Variants in UBE4B observed in about 807,000 individuals in gnomAD.
The protein encoded by UBE4B is ubiquitination factor E4B.
In UBE4B, 27 loss-of-function variants were observed where a neutral mutation model predicts 148.1. The ratio of observed to expected loss-of-function variants is 0.18; its 90% CI spans 0.13 to 0.25. The LOEUF is 0.25. Among genes scored for constraint, UBE4B ranks in the 10% least tolerant of loss-of-function variants. The probability of loss-of-function intolerance (pLI) is 1.00; values close to 1 mark genes in which losing one functional copy is unlikely to be tolerated. For synonymous variants in UBE4B, 596 were observed against 619.3 expected (o/e 0.96, Z 0.56); for missense variants, 1,170 against 1,662.4 (o/e 0.70, Z 5.15).
intron 1 of UBE4B, among the ~76,000 whole-genome samples, chr1:10,071,692 G>GTATT (rs1390778497): frequency 2.0e-5 from 3 of 152,140 alleles, no homozygotes; most frequent in Non-Finnish European, 4.4e-5. Context: ...ATTTATGTAT[G>GTATT]TATTTATGTA....
intron 1 of UBE4B, among the ~76,000 whole-genome samples, chr1:10,061,795 G>GA: frequency 6.6e-6 from 1 of 152,100 alleles, no homozygotes; most frequent in Non-Finnish European, 1.5e-5. Context: ...TTTTTCCTTT[G>GA]AATCTTGTTT....
intron 25 of UBE4B, among the ~76,000 whole-genome samples, chr1:10,177,745 C>T (rs553371427): frequency 6.6e-6 from 1 of 152,042 alleles, no homozygotes; most frequent in African/African-American, 2.4e-5. Context: ...AAATATATAT[C>T]ATCACTAAGC....
chr1:10,172,763 G>A (rs1646356915), intron 25 of UBE4B, among the ~76,000 whole-genome samples: 1 of 152,034 alleles, frequency 6.6e-6, no homozygotes, highest in African/African-American at 2.4e-5. Flanking sequence ...GATGTAGCAG[G>A]GGAAGTGGTC....
At chr1:10,046,354 C>A (rs551846875) in intron 1 of UBE4B, among the ~76,000 whole-genome samples, 66 of 152,276 alleles carry the variant, frequency 4.3e-4, no homozygotes, top group Non-Finnish European at 7.8e-4. Context: ...ACTTCAGAGT[C>A]CAGAATCCCT....
intron 21 of UBE4B, among the ~76,000 whole-genome samples, chr1:10,153,095 TTC>T (rs1646004123): frequency 6.6e-6 from 1 of 151,938 alleles, no homozygotes; most frequent in Admixed American, 6.6e-5. Context: ...AGTCCCTTGT[TTC>T]TCCTTCAGTT....
At chr1:10,097,050 A>AT (rs1461086213) in intron 3 of UBE4B, among the ~76,000 whole-genome samples, 172 of 149,050 alleles carry the variant, frequency 1.2e-3, no homozygotes, top group Admixed American at 1.9e-3. Flanking sequence ...AAAAAAAAAA[A>AT]AAAATAATAA....
chr1:10,107,300 T>A (rs1366910400), intron 7 of UBE4B: 22 of 1,289,318 alleles, frequency 1.7e-5, no homozygotes, highest in Non-Finnish European at 3.0e-6. Context: ...AAGAAGAAGA[T>A]GATGATGATG....
intron 2 of UBE4B, among the ~76,000 whole-genome samples, chr1:10,078,410 T>G (rs1240906862): frequency 1.3e-5 from 2 of 152,204 alleles, no homozygotes; most frequent in Non-Finnish European, 2.9e-5. Context: ...TTTCTTTCCT[T>G]AAAGAGCTTT....
intron 1 of UBE4B, among the ~76,000 whole-genome samples, chr1:10,065,823 A>G (rs1214499398): frequency 6.6e-6 from 1 of 152,210 alleles, no homozygotes; most frequent in East Asian, 1.9e-4. Flanking sequence ...GCATTTATGT[A>G]TAATTTGCAC....
chr1:10,066,750 AC>A (rs2101822906), intron 1 of UBE4B, among the ~76,000 whole-genome samples: 1 of 152,174 alleles, frequency 6.6e-6, no homozygotes, highest in African/African-American at 2.4e-5. Context: ...TACTAAAAAT[AC>A]AAAAATTAGC....
At chr1:10,136,123 G>T (rs1257013405) in intron 16 of UBE4B, among the ~76,000 whole-genome samples, 1 of 152,094 alleles carries the variant, frequency 6.6e-6, no homozygotes, top group African/African-American at 2.4e-5. Flanking sequence ...AAATATTTCT[G>T]TATTGTGTTG....
At chr1:10,084,843 A>C (rs6541077) in intron 2 of UBE4B, among the ~76,000 whole-genome samples, 1 of 151,546 alleles carries the variant, frequency 6.6e-6, no homozygotes, top group Non-Finnish European at 1.5e-5. Flanking sequence ...GATTACAAGC[A>C]CCCGCCACCA....
intron 1 of UBE4B, among the ~76,000 whole-genome samples, chr1:10,046,591 G>A (rs1023130461): frequency 2.0e-5 from 3 of 152,254 alleles, no homozygotes; most frequent in Non-Finnish European, 1.5e-5. Context: ...TTCTGACCTC[G>A]CCTTTCTGGC....
In UBE4B at chr1:10,059,556, C is replaced by T. The variant is rs945491691; in HGVS notation, c.25-12472C>T. The T allele has an allele frequency of 1.1e-4, 24 of 216,684 alleles. No homozygotes were observed. In the East Asian group the frequency reaches 2.6e-3, roughly 24 times the overall value. The allele number at this position is 216,684 out of a possible 1,614,324, so 13.4% of individuals were successfully genotyped here. On this transcript the variant is annotated intron_variant, in intron 1 of 27. Coordinates refer to ENST00000343090, the MANE Select transcript of UBE4B (RefSeq NM_001105562.3). ...GTATTCCCATTGTCTATGAATTGAA[C>T]AGGAGGAGCTTGAAGCCCATTGAGC...
In UBE4B at chr1:10,122,056, G is replaced by A. The variant is rs1364616583; in HGVS notation, c.1534G>A (p.Asp512Asn). The change falls in exon 10 of 28, where the codon GAT (aspartate) becomes AAT (asparagine). Residue 512 changes from aspartate to asparagine, a missense_variant. Coordinates refer to ENST00000343090, the MANE Select transcript of UBE4B (RefSeq NM_001105562.3). Reference protein sequence around the residue: ...IQELVRTTHQDEEVFKQIFIP... With the variant: ...IQELVRTTHQNEEVFKQIFIP... Reference sequence around the variant, plus strand: ...GGAACTGGTGAGAACCACTCACCAGGATGAAGAAGTGTTCAAGCAGGTACG... The same window carrying A: ...GGAACTGGTGAGAACCACTCACCAGAATGAAGAAGTGTTCAAGCAGGTACG... 1 of 1,612,904 alleles carries A rather than the reference G, an allele frequency of 6.2e-7. No homozygotes were observed. The highest frequency in any genetic ancestry group is 8.5e-7 in the Non-Finnish European group (1 of 1,179,214).
intron 2 of UBE4B, among the ~76,000 whole-genome samples, chr1:10,093,625 G>A (rs566131772): frequency 6.6e-6 from 1 of 152,064 alleles, no homozygotes; most frequent in South Asian, 2.1e-4. Context: ...GGTTAAAATT[G>A]TATTTATTCA....
intron 1 of UBE4B, among the ~76,000 whole-genome samples, chr1:10,039,789 G>A (rs1298802884): frequency 6.6e-6 from 1 of 152,060 alleles, no homozygotes; most frequent in Non-Finnish European, 1.5e-5. Context: ...TAAGAGATTA[G>A]AAAGATGGGT....
intron 1 of UBE4B, among the ~76,000 whole-genome samples, chr1:10,057,188 G>A (rs1031733406): frequency 6.6e-6 from 1 of 151,900 alleles, no homozygotes; most frequent in Non-Finnish European, 1.5e-5. Flanking sequence ...CTTTAATTAG[G>A]CAGTTTTATG....
chr1:10,050,019 T>C (rs1644001112), intron 1 of UBE4B, among the ~76,000 whole-genome samples: 1 of 152,128 alleles, frequency 6.6e-6, no homozygotes, highest in Admixed American at 6.6e-5. Flanking sequence ...ATGAGAACAT[T>C]GGAGAAAAAC....
Sources: gnomAD v4.1 joint callset for allele counts (sites outside exome capture counted in the v4.1 genomes callset) on GRCh38, gnomAD v4.1.1 for gene constraint, MANE v1.5 for transcripts, NCBI Gene and HGNC (gene_info 2026-07-23, HGNC 2026-07-21) for gene names.